The following GJC2 variants were observed in gnomAD, a reference collection of about 807,000 sequenced individuals.
The protein encoded by GJC2 is gap junction gamma-2 protein.
For missense variants in GJC2, 647 were observed against 648.9 expected, an observed-to-expected ratio of 1.00 and a Z score of 0.03; for synonymous variants, 336 against 307.5, an observed-to-expected ratio of 1.09 and a Z score of -0.97.
chr1:228,157,769 T>C lies in GJC2; in HGVS notation c.11T>C (p.Met4Thr). Residue 4 changes from methionine (M) to threonine (T), a missense_variant, in exon 2 of 2, where the codon ATG becomes ACG. By Grantham distance (81) the Met-to-Thr change is moderately conservative. Coordinates refer to ENST00000366714, the MANE Select transcript of GJC2 (RefSeq NM_020435.4). ...CGCCCGCCCGCCCCTATGACCAACA[T>C]GAGCTGGAGCTTCCTGACGCGGCTG... Reference protein sequence around the residue: MTNMSWSFLTRLLE... With the variant: MTNTSWSFLTRLLE... 2 of 467,420 alleles carry C rather than the reference T, an allele frequency of 4.3e-6. No homozygotes were observed. The highest frequency in any genetic ancestry group is 7.3e-6 in the Non-Finnish European group (2 of 274,320). 29.0% of individuals were successfully genotyped at this position (467,420 alleles called of 1,614,324 possible).
At position 228,157,739 on chromosome 1, in the gene GJC2, G is replaced by GGGGGGGGGGGGGGGGGGGGGGGGC; in HGVS notation, c.-19_-18insGGGGGGGGGGGGGGGGGGGGGGCG. 1 of 680,886 alleles carries GGGGGGGGGGGGGGGGGGGGGGGGC rather than the reference G, an allele frequency of 1.5e-6. No homozygotes were observed. 42.2% of individuals were successfully genotyped at this position (680,886 alleles called of 1,614,324 possible). On this transcript the variant is annotated splice_region_variant and 5_prime_UTR_variant. Coordinates refer to ENST00000366714, the MANE Select transcript of GJC2 (RefSeq NM_020435.4). ...TGGCTGACCCCTACCCCGCCCCACA[G>GGGGGGGGGGGGGGGGGGGGGGGGC]GACCCGCCCGCCCGCCCCTATGACC...
chr1:228,154,087 C>T (rs2034651986), intron 1 of GJC2, among the ~76,000 whole-genome samples: 1 of 152,108 alleles, frequency 6.6e-6, no homozygotes, highest in African/African-American at 2.4e-5. Flanking sequence ...TGACATGCTC[C>T]TCATAATGAA....
At chr1:228,156,833 T>C (rs1571906886) in intron 1 of GJC2, among the ~76,000 whole-genome samples, 1 of 152,220 alleles carries the variant, frequency 6.6e-6, no homozygotes, top group East Asian at 1.9e-4. Context: ...AGCCCTTTCC[T>C]GGGCACTTGC....
intron 1 of GJC2, among the ~76,000 whole-genome samples, chr1:228,157,482 C>T (rs1456065309): frequency 6.6e-6 from 1 of 152,128 alleles, no homozygotes; most frequent in Non-Finnish European, 1.5e-5. Context: ...GACCACCAGT[C>T]CCCACACACT....
chr1:228,159,005 G>A lies in GJC2; in HGVS notation c.1247G>A (p.Gly416Glu). Reference protein sequence around the residue: ...QGRPGTHERPGAKPRAGSEKG... With the variant: ...QGRPGTHERPEAKPRAGSEKG... The stretch of plus-strand genomic sequence containing the variant: ...CGGCCCGGCACCCACGAGCGGCCAG[G>A]AGCCAAGCCCAGGGCTGGCTCCGAG... The change falls in exon 2 of 2, where the codon GGA becomes GAA. Residue 416 changes from glycine (G) to glutamate (E), a missense_variant. Transcript: ENST00000366714. The surrounding 1 kb of genome is among the most constrained non-coding windows in gnomAD (Gnocchi z 4.0). 1.2e-6 allele frequency: 2 copies of A among 1,606,856 alleles called. No individual in the cohort carries two copies. The highest frequency in any genetic ancestry group is 8.5e-7 in the Non-Finnish European group (1 of 1,178,350).
intron 1 of GJC2, among the ~76,000 whole-genome samples, chr1:228,156,062 GC>G (rs2034674745): frequency 6.6e-6 from 1 of 151,298 alleles, no homozygotes; most frequent in African/African-American, 2.4e-5. Flanking sequence ...AGGGAGGTGG[GC>G]CCTGCCTACT....
rs567394999 is a variant in GJC2 at position 228,152,087 on chromosome 1, C to G, written c.-20+2080C>G. Among the ~76,000 whole-genome samples the G allele has an allele frequency of 9.8e-4, 149 of 152,244 alleles. 1 individual carries two copies. The highest frequency in any genetic ancestry group is 3.4e-3 in the Middle Eastern group (1 of 294). Reference sequence around the variant, plus strand: ...AGTGGAGTGCAGGGGAAGGAGGGGACTGTGCCTGCAGGAGCTCCAGGGAAG... The same window carrying G: ...AGTGGAGTGCAGGGGAAGGAGGGGAGTGTGCCTGCAGGAGCTCCAGGGAAG... On this transcript the variant is annotated intron_variant, in intron 1 of 1. Coordinates refer to ENST00000366714, the MANE Select transcript of GJC2 (RefSeq NM_020435.4). The surrounding 1 kb of genome is among the most constrained non-coding windows in gnomAD (Gnocchi z 7.3).
chr1:228,159,116 G>A lies in GJC2; in HGVS notation c.*38G>A, dbSNP rs144692877. On this transcript the variant is annotated 3_prime_UTR_variant, in exon 2 of 2. Transcript: ENST00000366714. The surrounding 1 kb of genome is among the most constrained non-coding windows in gnomAD (Gnocchi z 4.0). ...GCGAGCTGGGCCAGGGAGGAGGAGG[G>A]TTGGGGGGCTCCGGTGGAAACCTGC... The A allele has an allele frequency of 9.3e-6, 15 of 1,604,392 alleles. No homozygotes were observed. The highest frequency in any genetic ancestry group is 1.3e-5 in the Non-Finnish European group (15 of 1,175,274).
Position 228,151,077 on chromosome 1 carries a change from T to G in GJC2, c.-20+1070T>G, listed in dbSNP as rs2034611600. Among the ~76,000 whole-genome samples the G allele has an allele frequency of 6.6e-6, 1 of 152,130 alleles. No homozygotes were observed. Among genetic ancestry groups the G allele is most frequent in the African/African-American group, 2.4e-5 (1 of 41,430 alleles). On this transcript the variant is annotated intron_variant, in intron 1 of 1. Transcript: ENST00000366714. The surrounding 1 kb of genome is among the most constrained non-coding windows in gnomAD (Gnocchi z 5.4). ...AGGAACAGCCCCTCACTTCTGGGCC[T>G]GACAGCTCTGTTCCTGCTTGGGACC...
chr1:228,158,758 A>G lies in GJC2; in HGVS notation c.1000A>G (p.Ser334Gly). The change falls in exon 2 of 2, where the codon AGC becomes GGC. Residue 334 changes from serine (S) to glycine (G), a missense_variant. By Grantham distance (56) the Ser-to-Gly change is moderately conservative. Coordinates refer to ENST00000366714, the MANE Select transcript of GJC2 (RefSeq NM_020435.4). This position sits in a 1 kb window ranked among gnomAD's most constrained non-coding sequence, Gnocchi z 8.3. ...AAGLACPPDY[S>G]LVVRAAERAR... Reference sequence around the variant, plus strand: ...TGGCTTGGCCTGCCCGCCCGACTACAGCCTGGTGGTGCGGGCGGCCGAGCG... The same window carrying G: ...TGGCTTGGCCTGCCCGCCCGACTACGGCCTGGTGGTGCGGGCGGCCGAGCG... 1 of 1,391,196 alleles carries G rather than the reference A, an allele frequency of 7.2e-7. No homozygotes were observed. The highest frequency in any genetic ancestry group is 9.3e-7 in the Non-Finnish European group (1 of 1,071,918). 86.2% of individuals were successfully genotyped at this position (1,391,196 alleles called of 1,614,324 possible). A position where few individuals can be genotyped will look rare whatever the true frequency, so the allele number is the denominator to read the frequency against.
chr1:228,150,471 C>T lies in GJC2; in HGVS notation c.-20+464C>T, dbSNP rs1390700008. 2.0e-5 allele frequency among the ~76,000 whole-genome samples: 3 copies of T among 152,170 alleles called. No homozygotes were observed. Among genetic ancestry groups the T allele is most frequent in the Non-Finnish European group, 4.4e-5 (3 of 68,008 alleles). Reference sequence around the variant, plus strand: ...CCCCTGGTATAGACAGACCTGGGGCCCTGCTCAGTCCCCTCCATAGAAGGC... The same window carrying T: ...CCCCTGGTATAGACAGACCTGGGGCTCTGCTCAGTCCCCTCCATAGAAGGC... On this transcript the variant is annotated intron_variant, in intron 1 of 1. Coordinates refer to ENST00000366714, the MANE Select transcript of GJC2 (RefSeq NM_020435.4). This position sits in a 1 kb window ranked among gnomAD's most constrained non-coding sequence, Gnocchi z 4.6.
rs763868061 is a variant in GJC2, at chr1:228,157,778, G to T, written c.20G>T (p.Ser7Ile). 6 of 1,226,526 alleles carry T rather than the reference G, an allele frequency of 4.9e-6. No homozygotes were observed. The African/African-American group carries it at 8.1e-5, about 17-fold the overall frequency. 76.0% of individuals were successfully genotyped at this position (1,226,526 alleles called of 1,614,324 possible). MTNMSW[S>I]FLTRLLEEIH... ...GCCCCTATGACCAACATGAGCTGGA[G>T]CTTCCTGACGCGGCTGCTGGAGGAG... Residue 7 changes from serine (S) to isoleucine (I), a missense_variant, in exon 2 of 2, where the codon AGC (serine) becomes ATC (isoleucine). Physicochemically the swap from Ser to Ile is moderately radical, Grantham distance 142. Transcript: ENST00000366714.
intron 1 of GJC2, among the ~76,000 whole-genome samples, chr1:228,157,379 G>T (rs1245918600): frequency 6.6e-6 from 1 of 152,066 alleles, no homozygotes; most frequent in Non-Finnish European, 1.5e-5. Context: ...AGGCTGGGGA[G>T]ACCCTTTGGA....
rs141025019 is a variant in GJC2 at position 228,151,160 on chromosome 1, A to G, written c.-20+1153A>G. 2.2e-4 allele frequency among the ~76,000 whole-genome samples: 33 copies of G among 152,160 alleles called. No individual in the cohort carries two copies. The highest frequency in any genetic ancestry group is 7.7e-4 in the African/African-American group (32 of 41,534). ...AGGGGCCCACGCATTCACAGCGCCA[A>G]CAACCCCAGGGAGGAGAGGGCTCCA... On this transcript the variant is annotated intron_variant, in intron 1 of 1. Transcript: ENST00000366714. This position sits in a 1 kb window ranked among gnomAD's most constrained non-coding sequence, Gnocchi z 5.4.
In GJC2 at chr1:228,152,438, G is replaced by A. The variant is rs77937984; in HGVS notation, c.-20+2431G>A. On this transcript the variant is annotated intron_variant, in intron 1 of 1. Transcript: ENST00000366714. This position sits in a 1 kb window ranked among gnomAD's most constrained non-coding sequence, Gnocchi z 7.3. ...TGAGCAGGAGCTTGATGGGGGAGGG[G>A]GCCCGGCTCTGACCGGTGTCCTGAG... Among the ~76,000 whole-genome samples the A allele has an allele frequency of 4.5e-3, 690 of 152,124 alleles. 22 individuals are homozygous for A. Among genetic ancestry groups the A allele is most frequent in the East Asian group, 0.038 (194 of 5,108 alleles).
chr1:228,158,895 G>T lies in GJC2; in HGVS notation c.1137G>T (p.Ala379=). 6.7e-7 allele frequency: 1 copy of T among 1,488,608 alleles called. No individual in the cohort carries two copies. The highest frequency in any genetic ancestry group is 8.9e-7 in the Non-Finnish European group (1 of 1,128,168). 92.2% of individuals were successfully genotyped at this position (1,488,608 alleles called of 1,614,324 possible). A position where few individuals can be genotyped will look rare whatever the true frequency, so the allele number is the denominator to read the frequency against. Residue 379 remains alanine, a synonymous_variant, in exon 2 of 2, where the codon GCG becomes GCT. Transcript: ENST00000366714. The surrounding 1 kb of genome is among the most constrained non-coding windows in gnomAD (Gnocchi z 8.3). ...RDSSPCVGLP[A]ASRGPPRAGA... is the part of the protein sequence containing the mutation. ...GTTCGCCGTGCGTCGGCCTCCCTGC[G>T]GCCTCCCGGGGGCCCCCCAGAGCAG...
chr1:228,150,186 C>T lies in GJC2; in HGVS notation c.-20+179C>T, dbSNP rs561175516. On this transcript the variant is annotated intron_variant, in intron 1 of 1. Coordinates refer to ENST00000366714, the MANE Select transcript of GJC2 (RefSeq NM_020435.4). The surrounding 1 kb of genome is among the most constrained non-coding windows in gnomAD (Gnocchi z 4.6). ...CCCCCTCCTGGGCTCCGCTGCTCCA[C>T]GCAGATGGTGGGGTGGCCCCCCCAC... is the stretch of plus-strand genomic sequence containing the variant. Among the ~76,000 whole-genome samples, 98 of 152,290 alleles carry T rather than the reference C, an allele frequency of 6.4e-4. No homozygotes were observed. Among genetic ancestry groups the T allele is most frequent in the African/African-American group, 2.2e-3 (92 of 41,562 alleles).
At position 228,158,887 on chromosome 1, in the gene GJC2, C is replaced by A; in HGVS notation, c.1129C>A (p.Leu377Ile). 2 of 1,486,624 alleles carry A rather than the reference C, an allele frequency of 1.3e-6. No homozygotes were observed. The highest frequency in any genetic ancestry group is 8.9e-7 in the Non-Finnish European group (1 of 1,127,358). The allele number at this position is 1,486,624 out of a possible 1,614,324, so 92.1% of individuals were successfully genotyped here. A position where few individuals can be genotyped will look rare whatever the true frequency, so the allele number is the denominator to read the frequency against. Residue 377 changes from leucine (L) to isoleucine (I), a missense_variant, in exon 2 of 2, where the codon CTC becomes ATC. Coordinates refer to ENST00000366714, the MANE Select transcript of GJC2 (RefSeq NM_020435.4). This position sits in a 1 kb window ranked among gnomAD's most constrained non-coding sequence, Gnocchi z 8.3. ...RDRDSSPCVG[L>I]PAASRGPPRA... is the part of the protein sequence containing the mutation. ...CCGGGACAGTTCGCCGTGCGTCGGC[C>A]TCCCTGCGGCCTCCCGGGGGCCCCC...
chr1:228,157,948 GACA>G lies in GJC2; in HGVS notation c.193_195del (p.Asn65del), dbSNP rs1558119525. 6.2e-7 allele frequency: 1 copy of G among 1,612,676 alleles called. No homozygotes were observed. Among genetic ancestry groups the G allele is most frequent in the South Asian group, 1.1e-5 (1 of 91,024 alleles). The stretch of plus-strand genomic sequence containing the variant: ...TTGCAACACGCGGCAGCCAGGCTGC[GACA>G]ACGTCTGCTATGACGCCTTCGCGCC... On this transcript the variant is annotated inframe_deletion, in exon 2 of 2. Coordinates refer to ENST00000366714, the MANE Select transcript of GJC2 (RefSeq NM_020435.4).
Sources: gnomAD v4.1 joint callset for allele counts (sites outside exome capture counted in the v4.1 genomes callset) on GRCh38, gnomAD v4.1.1 for gene constraint, Gnocchi (gnomAD v3.1) non-coding constraint, MANE v1.5 for transcripts, NCBI Gene and HGNC (gene_info 2026-07-23, HGNC 2026-07-21) for gene names.